The following MACC1 variants were observed in gnomAD, a reference collection of about 807,000 sequenced individuals.
MACC1 encodes MET transcriptional regulator MACC1, also known as metastasis-associated in colon cancer protein 1.
MACC1 carries 79 observed loss-of-function variants against 70.7 expected under a neutral mutation model. The observed-to-expected ratio is 1.12, with a 90% CI of 0.93 to 1.35. The LOEUF (loss-of-function observed/expected upper bound fraction) is 1.35. MACC1 is among the 40% of genes most tolerant of loss of function. MACC1 has a pLI of 0.00. For synonymous variants in MACC1, 361 were observed against 347.2 expected (o/e 1.04, Z -0.44); for missense variants, 1,106 against 978.1 (o/e 1.13, Z -1.74).
At chr7:20,165,570 A>T (rs1782204137) in intron 2 of MACC1, among the ~76,000 whole-genome samples, 6 of 151,960 alleles carry the variant, frequency 3.9e-5, no homozygotes, top group Admixed American at 3.9e-4. Flanking sequence ...AAGGACCAAG[A>T]TCTGCCTGGA....
At chr7:20,199,411 G>C (rs1451836020) in intron 1 of MACC1, among the ~76,000 whole-genome samples, 1 of 152,204 alleles carries the variant, frequency 6.6e-6, no homozygotes, top group Non-Finnish European at 1.5e-5. Context: ...AAGGGACCTG[G>C]TGTGTGTGAT....
Position 20,159,467 on chromosome 7 carries a change from C to G in MACC1, c.894G>C (p.Lys298Asn). ...LEMKIGAEVRKDPFSQVMTEM... is the reference protein window; with the variant it reads ...LEMKIGAEVRNDPFSQVMTEM... ...CTGTCATGACTTGGCTGAAAGGATC[C>G]TTTCTTACTTCAGCCCCAATTTTCA... is the stretch of plus-strand genomic sequence containing the variant. The change falls in exon 5 of 7, where the codon AAG becomes AAC. Residue 298 changes from lysine to asparagine, a missense_variant. Coordinates refer to ENST00000400331, the MANE Select transcript of MACC1 (RefSeq NM_182762.4). The G allele has an allele frequency of 6.2e-7, 1 of 1,614,040 alleles. No individual in the cohort carries two copies. The highest frequency in any genetic ancestry group is 8.5e-7 in the Non-Finnish European group (1 of 1,180,026).
intron 3 of MACC1, among the ~76,000 whole-genome samples, 161 bp from the exon 4 acceptor site, chr7:20,162,031 A>C (rs1017487949): frequency 2.0e-5 from 3 of 152,074 alleles, no homozygotes; most frequent in Admixed American, 2.0e-4. Context: ...AGATATACTA[A>C]AATATGTGTT....
At position 20,138,272 on chromosome 7, in the gene MACC1, T is replaced by A. The variant is rs565409698; in HGVS notation, c.*2674A>T. Reference sequence around the variant, plus strand: ...TTGTTTCATCCTCAAATTACAGAGATCTTGTTTTTCATTTTTTTAAACTCT... The same window carrying A: ...TTGTTTCATCCTCAAATTACAGAGAACTTGTTTTTCATTTTTTTAAACTCT... On this transcript the variant is annotated 3_prime_UTR_variant, in exon 7 of 7. Coordinates refer to ENST00000400331, the MANE Select transcript of MACC1 (RefSeq NM_182762.4). 6.6e-6 allele frequency: 1 copy of A among 152,084 alleles called. No homozygotes were observed. The highest frequency in any genetic ancestry group is 1.9e-4 in the East Asian group (1 of 5,176). 9.4% of individuals were successfully genotyped at this position (152,084 alleles called of 1,614,324 possible).
intron 1 of MACC1, among the ~76,000 whole-genome samples, chr7:20,178,758 G>A (rs865960843): frequency 1.3e-5 from 2 of 151,926 alleles, no homozygotes; most frequent in African/African-American, 2.4e-5. Flanking sequence ...GCACCACCAC[G>A]CCTGGCTAAT....
At chr7:20,214,671 T>C (rs1257307209) in intron 1 of MACC1, among the ~76,000 whole-genome samples, 1 of 152,150 alleles carries the variant, frequency 6.6e-6, no homozygotes, top group Non-Finnish European at 1.5e-5. Context: ...ATTCTGTGAG[T>C]GTTATAAAGG....
At chr7:20,142,547 T>C (rs1346746244) in intron 6 of MACC1, among the ~76,000 whole-genome samples, 2 of 152,240 alleles carry the variant, frequency 1.3e-5, no homozygotes, top group African/African-American at 2.4e-5. Context: ...AATTTTATCT[T>C]CTATGTCTGA....
intron 6 of MACC1, among the ~76,000 whole-genome samples, chr7:20,151,672 T>C (rs959911374): frequency 6.6e-6 from 1 of 152,218 alleles, no homozygotes; most frequent in Non-Finnish European, 1.5e-5. Context: ...GGTTAAGGTG[T>C]TCAGAAAATC....
chr7:20,136,767 C>G lies in MACC1; in HGVS notation c.*4179G>C, dbSNP rs1781722586. ...AAAGTTCATACAGAAGGAGGAGGGACTTACTTCTCCTCCTTGCGATTATTA... is the reference window on the plus strand; with the variant it reads ...AAAGTTCATACAGAAGGAGGAGGGAGTTACTTCTCCTCCTTGCGATTATTA... On this transcript the variant is annotated 3_prime_UTR_variant, in exon 7 of 7. Coordinates refer to ENST00000400331, the MANE Select transcript of MACC1 (RefSeq NM_182762.4). The G allele has an allele frequency of 6.6e-6, 1 of 151,778 alleles. No homozygotes were observed. Among genetic ancestry groups the G allele is most frequent in the Non-Finnish European group, 1.5e-5 (1 of 67,934 alleles). 9.4% of individuals were successfully genotyped at this position (151,778 alleles called of 1,614,324 possible).
At chr7:20,203,715 C>T (rs537258399) in intron 1 of MACC1, among the ~76,000 whole-genome samples, 4 of 152,214 alleles carry the variant, frequency 2.6e-5, no homozygotes, top group Non-Finnish European at 5.9e-5. Context: ...TGGAAGTCAG[C>T]GAGGAGCTCA....
At chr7:20,186,290 G>A (rs957263994) in intron 1 of MACC1, among the ~76,000 whole-genome samples, 5 of 152,018 alleles carry the variant, frequency 3.3e-5, no homozygotes, top group African/African-American at 1.2e-4. Flanking sequence ...AGTAATGTGA[G>A]GTATTTATGA....
chr7:20,155,533 C>T (rs1782043364), intron 5 of MACC1, among the ~76,000 whole-genome samples: 1 of 152,106 alleles, frequency 6.6e-6, no homozygotes, highest in Non-Finnish European at 1.5e-5. Flanking sequence ...GGTAGGTAAC[C>T]CAAACCACAG....
In MACC1 at chr7:20,184,949, C is replaced by T. The variant is rs574607524; in HGVS notation, c.-217-14171G>A. 3.3e-5 allele frequency: 5 copies of T among 152,164 alleles called. No homozygotes were observed. In the South Asian group the frequency reaches 8.3e-4, roughly 25 times the overall value. 9.4% of individuals were successfully genotyped at this position (152,164 alleles called of 1,614,324 possible). On this transcript the variant is annotated intron_variant, in intron 1 of 6. Coordinates refer to ENST00000400331, the MANE Select transcript of MACC1 (RefSeq NM_182762.4). ...TGTATGCAATTTAAACATTATTATA[C>T]TAAGTCTTAGAGACGAGAATATTCT...
chr7:20,184,925 G>A (rs1272076622), intron 1 of MACC1: 2 of 152,000 alleles, frequency 1.3e-5, no homozygotes, highest in South Asian at 2.1e-4. Context: ...TATCATAAAT[G>A]TATGCAATTT....
intron 1 of MACC1, among the ~76,000 whole-genome samples, chr7:20,204,381 C>T (rs1467902273): frequency 1.3e-5 from 2 of 152,210 alleles, no homozygotes; most frequent in African/African-American, 4.8e-5. Flanking sequence ...GTCTCGATCT[C>T]CTGACCTCAT....
chr7:20,162,660 G>A (rs887067813), intron 3 of MACC1, among the ~76,000 whole-genome samples: 3 of 152,066 alleles, frequency 2.0e-5, no homozygotes, highest in African/African-American at 4.8e-5. Context: ...TGGCACAGGT[G>A]GCCAAACAGA....
intron 1 of MACC1, among the ~76,000 whole-genome samples, chr7:20,181,255 T>C (rs970783890): frequency 6.6e-6 from 1 of 152,112 alleles, no homozygotes; most frequent in African/African-American, 2.4e-5. Context: ...GTGATAAAAA[T>C]CTTACATTAT....
chr7:20,193,267 A>G (rs969028636), intron 1 of MACC1, among the ~76,000 whole-genome samples: 1 of 152,258 alleles, frequency 6.6e-6, no homozygotes, highest in African/African-American at 2.4e-5. Context: ...TAAATAAATT[A>G]TAAGCTATCA....
At chr7:20,164,901 T>TC (rs1001061366) in intron 2 of MACC1, among the ~76,000 whole-genome samples, 3 of 151,866 alleles carry the variant, frequency 2.0e-5, no homozygotes, top group African/African-American at 7.2e-5. Flanking sequence ...CTCTTTTTTT[T>TC]TTTATGAGGA....
Sources: gnomAD v4.1 joint callset for allele counts (sites outside exome capture counted in the v4.1 genomes callset) on GRCh38, gnomAD v4.1.1 for gene constraint, MANE v1.5 for transcripts, NCBI Gene and HGNC (gene_info 2026-07-23, HGNC 2026-07-21) for gene names.